Variants in GABRG1 observed in about 807,000 individuals in gnomAD.
The protein encoded by GABRG1 is gamma-aminobutyric acid type A receptor subunit gamma1.
A neutral mutation model predicts 49.8 loss-of-function variants in GABRG1; 49 were observed. That is an observed-to-expected ratio of 0.98 (90% CI 0.78 to 1.25). The LOEUF is 1.25. Among genes scored for constraint, GABRG1 ranks in the 50% most tolerant of loss-of-function variants. The pLI is 0.00. For missense variants in GABRG1, 552 were observed against 552.3 expected, an observed-to-expected ratio of 1.00 and a Z score of 0.01; for synonymous variants, 232 against 185.1, an observed-to-expected ratio of 1.25 and a Z score of -2.06.
chr4:46,123,101 A>AACACACACACAC (rs34086673), intron 1 of GABRG1, among the ~76,000 whole-genome samples: 209 of 129,578 alleles, frequency 1.6e-3, no homozygotes, highest in Non-Finnish European at 2.0e-3. Flanking sequence ...CATACACACA[A>AACACACACACAC]ACACACACAC....
At chr4:46,111,964 T>C (rs1171932177) in intron 1 of GABRG1, among the ~76,000 whole-genome samples, 2 of 151,140 alleles carry the variant, frequency 1.3e-5, no homozygotes, top group Non-Finnish European at 3.0e-5. Context: ...TCAAAAGAAA[T>C]TGCAACAAAA....
intron 1 of GABRG1, among the ~76,000 whole-genome samples, chr4:46,117,954 C>T (rs1430663070): frequency 2.6e-5 from 1 of 38,056 alleles, no homozygotes; most frequent in Non-Finnish European, 4.1e-5. Flanking sequence ...ACATGTGTAT[C>T]TATATACATA....
At chr4:46,106,835 T>A (rs1192485124) in intron 1 of GABRG1, among the ~76,000 whole-genome samples, 1 of 151,106 alleles carries the variant, frequency 6.6e-6, no homozygotes, top group Non-Finnish European at 1.5e-5. Context: ...AAAAGAATCA[T>A]GAGTGAGGAA....
intron 2 of GABRG1, among the ~76,000 whole-genome samples, chr4:46,090,856 C>G (rs1719958051): frequency 6.7e-6 from 1 of 150,182 alleles, no homozygotes; most frequent in East Asian, 2.0e-4. Flanking sequence ...CAGCTTAGAG[C>G]TTTTAGATCT....
At chr4:46,106,185 C>A (rs995206621) in intron 1 of GABRG1, among the ~76,000 whole-genome samples, 1 of 151,396 alleles carries the variant, frequency 6.6e-6, no homozygotes, top group Non-Finnish European at 1.5e-5. Context: ...GACTTTCATT[C>A]CTGACAGTGG....
chr4:46,077,135 C>G (rs993256593), intron 3 of GABRG1, among the ~76,000 whole-genome samples: 4 of 136,850 alleles, frequency 2.9e-5, no homozygotes, highest in African/African-American at 1.1e-4. Flanking sequence ...GAACATCACA[C>G]ACTGGGGACT....
intron 2 of GABRG1, among the ~76,000 whole-genome samples, chr4:46,089,987 T>G: frequency 6.6e-6 from 1 of 151,678 alleles, no homozygotes; most frequent in East Asian, 1.9e-4. Context: ...CATAGGAAAA[T>G]AATATTTATC....
chr4:46,046,045 G>C (rs1399384537), intron 8 of GABRG1, among the ~76,000 whole-genome samples: 2 of 152,010 alleles, frequency 1.3e-5, no homozygotes, highest in African/African-American at 4.8e-5. Flanking sequence ...TTACAATGTA[G>C]TTGATTCTGA....
intron 2 of GABRG1, 22 bp downstream of exon 2, chr4:46,097,179 C>T: frequency 6.3e-7 from 1 of 1,585,404 alleles, no homozygotes; most frequent in Non-Finnish European, 8.6e-7. Flanking sequence ...ATCAAAATCC[C>T]AGAATGGTAA....
chr4:46,047,103 G>A (rs10032631), intron 8 of GABRG1, among the ~76,000 whole-genome samples: 76,916 of 151,984 alleles, frequency 0.51, 20,052 homozygotes, highest in African/African-American at 0.63. Flanking sequence ...TATGATAGCC[G>A]TAAGTCACAT....
At chr4:46,118,816 C>T (rs942111118) in intron 1 of GABRG1, among the ~76,000 whole-genome samples, 2 of 150,178 alleles carry the variant, frequency 1.3e-5, no homozygotes, top group African/African-American at 4.9e-5. Context: ...ATAAAAAAAA[C>T]TATAAATTTA....
intron 3 of GABRG1, among the ~76,000 whole-genome samples, chr4:46,081,820 T>C (rs1719585072): frequency 1.3e-5 from 2 of 151,720 alleles, no homozygotes; most frequent in Admixed American, 6.6e-5. Context: ...TGACTTGTGA[T>C]AAGAAGAGAA....
intron 3 of GABRG1, among the ~76,000 whole-genome samples, chr4:46,079,466 C>A (rs371513043): frequency 6.6e-6 from 1 of 151,752 alleles, no homozygotes; most frequent in African/African-American, 2.4e-5. Context: ...ATCACTTTTG[C>A]GATTGGAAAA....
At position 46,123,897 on chromosome 4, in the gene GABRG1, G is replaced by A. The variant is rs1425439873; in HGVS notation, c.17C>T (p.Ala6Val). The change falls in exon 1 of 9, where the codon GCT becomes GTT. Residue 6 changes from alanine (A) to valine (V), a missense_variant. By Grantham distance (64) the Ala-to-Val change is moderately conservative (BLOSUM62 0). Transcript: ENST00000295452. Reference protein sequence around the residue: MGPLKAFLFSPFLLRS... With the variant: MGPLKVFLFSPFLLRS... The stretch of plus-strand genomic sequence containing the variant: ...CAGAAGAAAAGGGGAGAAGAGAAAA[G>A]CTTTCAAAGGACCCATCGGAATCGC... 2.5e-6 allele frequency: 4 copies of A among 1,613,540 alleles called. No individual in the cohort carries two copies. The African/African-American group carries it at 4.0e-5, about 16-fold the overall frequency.
chr4:46,086,821 C>CAT (rs1312956186), intron 2 of GABRG1, among the ~76,000 whole-genome samples: 2 of 151,596 alleles, frequency 1.3e-5, no homozygotes, highest in Non-Finnish European at 3.0e-5. Context: ...GGTCCTTGCC[C>CAT]ATATACAGGT....
At chr4:46,058,738 C>T (rs1011071392) in intron 5 of GABRG1, 116 bp from the exon 6 acceptor site, 10 of 716,140 alleles carry the variant, frequency 1.4e-5, no homozygotes, top group Non-Finnish European at 2.1e-5. Context: ...ACAAGATATG[C>T]CAAACATAGA....
chr4:46,094,118 G>C (rs16859059), intron 2 of GABRG1, among the ~76,000 whole-genome samples: 16,046 of 151,854 alleles, frequency 0.11, 1,946 homozygotes, highest in African/African-American at 0.29. Context: ...GTCTAAAGCA[G>C]TACATGAGAA....
At chr4:46,059,443 G>A (rs915220507) in intron 5 of GABRG1, among the ~76,000 whole-genome samples, 2 of 151,512 alleles carry the variant, frequency 1.3e-5, no homozygotes, top group Admixed American at 6.6e-5. Flanking sequence ...CTGGAGTGCA[G>A]TGGCACGATC....
rs117555370 is a variant in GABRG1 at position 46,043,052 on chromosome 4, G to A, written c.1132-1798C>T. Among the ~76,000 whole-genome samples, 24 of 151,990 alleles carry A rather than the reference G, an allele frequency of 1.6e-4. No homozygotes were observed. In the East Asian group the frequency reaches 4.1e-3, roughly 26 times the overall value. On this transcript the variant is annotated intron_variant, in intron 8 of 8. Transcript: ENST00000295452. ...ATTGGTACCTATTTCCTTGTCACTT[G>A]ATACTTGAATAGCATATGCTCTTAT...
Sources: allele counts gnomAD v4.1 joint callset (sites outside exome capture counted in the v4.1 genomes callset), GRCh38; gene constraint gnomAD v4.1.1; transcripts MANE v1.5; gene names NCBI Gene and HGNC (gene_info 2026-07-23, HGNC 2026-07-21).